The following SORCS2 variants were observed in gnomAD, a reference collection of about 807,000 sequenced individuals.
The protein encoded by SORCS2 is VPS10 domain-containing receptor SorCS2.
A neutral mutation model predicts 141.6 loss-of-function variants in SORCS2; 100 were observed. The observed-to-expected ratio is 0.71, with a 90% CI of 0.60 to 0.83. The LOEUF is 0.83. SORCS2 is among the 40% of genes least tolerant of loss of function. The pLI, the probability that SORCS2 is intolerant of heterozygous loss-of-function variation, is 0.00. For synonymous variants in SORCS2, 789 were observed against 676.9 expected (o/e 1.17, Z -2.57); for missense variants, 1,646 against 1,560.2 (o/e 1.05, Z -0.93).
rs1444827946 is a variant in SORCS2, at chr4:7,599,546, C to G, written c.649-38782C>G. 2.0e-5 allele frequency among the ~76,000 whole-genome samples: 3 copies of G among 152,352 alleles called. No homozygotes were observed. The East Asian group carries it at 5.8e-4, about 29-fold the overall frequency. On this transcript the variant is annotated intron_variant, in intron 3 of 26. Transcript: ENST00000507866. Reference sequence around the variant, plus strand: ...CCTGGATCACGAAGCCAGCTCCTGACACCACGAACACCTTGGCTGCTGTTG... The same window carrying G: ...CCTGGATCACGAAGCCAGCTCCTGAGACCACGAACACCTTGGCTGCTGTTG...
At chr4:7,256,348 T>C (rs10025225) in intron 1 of SORCS2, among the ~76,000 whole-genome samples, 133,246 of 152,224 alleles carry the variant, frequency 0.88, 58,498 homozygotes, top group African/African-American at 0.93. Flanking sequence ...TGTAGGGGGC[T>C]TTCCTGGTTT....
chr4:7,631,717 G>A (rs564840743), intron 3 of SORCS2, among the ~76,000 whole-genome samples: 3 of 152,294 alleles, frequency 2.0e-5, no homozygotes, highest in African/African-American at 7.2e-5. Flanking sequence ...GAATGAGTCA[G>A]TCAGTCCCCT....
At chr4:7,518,201 A>G (rs1443693276) in intron 2 of SORCS2, among the ~76,000 whole-genome samples, 2 of 152,210 alleles carry the variant, frequency 1.3e-5, no homozygotes, top group African/African-American at 4.8e-5. Flanking sequence ...CTGAGGATAC[A>G]TTAGCGTATC....
At chr4:7,572,690 T>C (rs1715483388) in intron 3 of SORCS2, among the ~76,000 whole-genome samples, 1 of 152,220 alleles carries the variant, frequency 6.6e-6, no homozygotes, top group Non-Finnish European at 1.5e-5. Flanking sequence ...TTCAATTTCA[T>C]TTAACAGGAC....
intron 1 of SORCS2, among the ~76,000 whole-genome samples, chr4:7,253,435 T>C (rs1215939317): frequency 6.6e-6 from 1 of 152,252 alleles, no homozygotes; most frequent in African/African-American, 2.4e-5. Context: ...ATTAGGGATC[T>C]GTAGCTCATT....
intron 3 of SORCS2, among the ~76,000 whole-genome samples, chr4:7,571,349 G>T (rs1560395275): frequency 1.3e-5 from 2 of 152,158 alleles, no homozygotes; most frequent in Non-Finnish European, 2.9e-5. Flanking sequence ...CATCCTGGGT[G>T]GTGGGTATGA....
intron 2 of SORCS2, among the ~76,000 whole-genome samples, chr4:7,475,459 AC>A (rs1730233887): frequency 6.6e-6 from 1 of 151,982 alleles, no homozygotes; most frequent in South Asian, 2.1e-4. Flanking sequence ...GGCCTGAGAA[AC>A]CTCCCTGTGC....
rs534884403 is a variant in SORCS2, at chr4:7,580,984, C to T, written c.648+49355C>T. ...TTGTTTTATATACATTTTCTAAAAT[C>T]CTTACAACAATCTTATAAGGAAGAC... On this transcript the variant is annotated intron_variant, in intron 3 of 26. Coordinates refer to ENST00000507866, the MANE Select transcript of SORCS2 (RefSeq NM_020777.3). Among the ~76,000 whole-genome samples the T allele has an allele frequency of 9.9e-5, 15 of 151,992 alleles. No individual in the cohort carries two copies. The South Asian group carries it at 2.9e-3, about 30-fold the overall frequency.
rs865891332 is a variant in SORCS2 at position 7,726,783 on chromosome 4, C to A, written c.2749C>A (p.Leu917Ile). 1 of 1,613,452 alleles carries A rather than the reference C, an allele frequency of 6.2e-7. No homozygotes were observed. Among genetic ancestry groups the A allele is most frequent in the Non-Finnish European group, 8.5e-7 (1 of 1,179,702 alleles). ...YWWIGHSLQP[L>I]LSLDNSVTTR... ...AAGCCCTGCTGTGCCCCTGCAGCCC[C>A]TCCTTTCCCTGGATAATTCTGTGAC... The change falls in exon 21 of 27, where the codon CTC becomes ATC. Residue 917 changes from leucine to isoleucine, a missense_variant. Transcript: ENST00000507866.
At chr4:7,221,906 C>A (rs1258025201) in intron 1 of SORCS2, among the ~76,000 whole-genome samples, 1 of 152,160 alleles carries the variant, frequency 6.6e-6, no homozygotes, top group Non-Finnish European at 1.5e-5. Context: ...CCATTCAGAT[C>A]CTTACCTTCA....
At chr4:7,359,731 G>A (rs1322781944) in intron 1 of SORCS2, among the ~76,000 whole-genome samples, 1 of 152,196 alleles carries the variant, frequency 6.6e-6, no homozygotes, top group Non-Finnish European at 1.5e-5. Flanking sequence ...GTGGCTGTAG[G>A]CATTAATGTA....
chr4:7,439,802 A>G (rs1727541994), intron 2 of SORCS2, among the ~76,000 whole-genome samples: 1 of 152,128 alleles, frequency 6.6e-6, no homozygotes, highest in Non-Finnish European at 1.5e-5. Context: ...ATGAGCTGGC[A>G]TGGGGTGGTT....
At chr4:7,292,665 G>T (rs1716689518) in intron 1 of SORCS2, among the ~76,000 whole-genome samples, 1 of 152,220 alleles carries the variant, frequency 6.6e-6, no homozygotes, top group African/African-American at 2.4e-5. Context: ...GTTCAAGGGG[G>T]TTTGGTGACA....
At chr4:7,337,433 C>A (rs922867563) in intron 1 of SORCS2, among the ~76,000 whole-genome samples, 15 of 152,124 alleles carry the variant, frequency 9.9e-5, no homozygotes, top group African/African-American at 3.4e-4. Flanking sequence ...AGCAGGCGAC[C>A]TTCAGACTCA....
intron 1 of SORCS2, among the ~76,000 whole-genome samples, chr4:7,225,165 G>A (rs4689091): frequency 0.25 from 37,670 of 152,072 alleles, 4,800 homozygotes; most frequent in African/African-American, 0.28. Context: ...CCCTACCCGT[G>A]CTGTGCTGCA....
Position 7,286,722 on chromosome 4 carries a change from G to A in SORCS2, c.480+93596G>A, listed in dbSNP as rs569435068. Among the ~76,000 whole-genome samples, 1 of 152,310 alleles carries A rather than the reference G, an allele frequency of 6.6e-6. No homozygotes were observed. Among genetic ancestry groups the A allele is most frequent in the African/African-American group, 2.4e-5 (1 of 41,560 alleles). ...TCTGGCCTGGCACTTTTTCCACAAT[G>A]CCTCAGAGGTTGCACATGTTCACGG... On this transcript the variant is annotated intron_variant, in intron 1 of 26. Transcript: ENST00000507866. This position sits in a 1 kb window ranked among gnomAD's most constrained non-coding sequence, Gnocchi z 4.1.
chr4:7,730,138 G>A (rs1711553838), intron 23 of SORCS2, among the ~76,000 whole-genome samples: 1 of 152,164 alleles, frequency 6.6e-6, no homozygotes, highest in Non-Finnish European at 1.5e-5. Context: ...TATTGCACAG[G>A]ACAACTTCTA....
chr4:7,537,830 C>T (rs1025435157), intron 3 of SORCS2, among the ~76,000 whole-genome samples: 10 of 152,020 alleles, frequency 6.6e-5, no homozygotes, highest in African/African-American at 2.4e-4. Flanking sequence ...AACATAAAAA[C>T]ATAAAAATAA....
intron 2 of SORCS2, among the ~76,000 whole-genome samples, chr4:7,438,699 G>C (rs1194129505): frequency 2.0e-5 from 3 of 149,932 alleles, no homozygotes; most frequent in Non-Finnish European, 4.4e-5. Flanking sequence ...AAAAGACTCA[G>C]AATTATTTTT....
Sources: gnomAD v4.1 joint callset for allele counts (sites outside exome capture counted in the v4.1 genomes callset) on GRCh38, gnomAD v4.1.1 for gene constraint, Gnocchi (gnomAD v3.1) non-coding constraint, MANE v1.5 for transcripts, NCBI Gene and HGNC (gene_info 2026-07-23, HGNC 2026-07-21) for gene names.